The following HDAC9 variants were observed in gnomAD, a reference collection of about 807,000 sequenced individuals.
The protein encoded by HDAC9 is histone deacetylase 9, also known as MEF-2 interacting transcription repressor (MITR) protein.
A neutral mutation model predicts 139.4 loss-of-function variants in HDAC9; 41 were observed. The ratio of observed to expected loss-of-function variants is 0.29; its 90% CI spans 0.23 to 0.38. HDAC9 has a LOEUF of 0.38. HDAC9 is among the 10% of genes least tolerant of loss of function. The probability of loss-of-function intolerance (pLI) is 1.00; values close to 1 mark genes in which losing one functional copy is unlikely to be tolerated. For synonymous variants in HDAC9, 517 were observed against 476.2 expected (o/e 1.09, Z -1.12); for missense variants, 1,147 against 1,297.0 (o/e 0.88, Z 1.78).
intron 1 of HDAC9, among the ~76,000 whole-genome samples, chr7:18,448,952 G>A (rs1275524634): frequency 1.3e-5 from 2 of 151,984 alleles, no homozygotes; most frequent in African/African-American, 4.8e-5. Flanking sequence ...CATGTCAGAG[G>A]AATAAGAAAA....
At chr7:18,142,246 A>G (rs1283026913) in intron 1 of HDAC9, among the ~76,000 whole-genome samples, 1 of 152,166 alleles carries the variant, frequency 6.6e-6, no homozygotes, top group Non-Finnish European at 1.5e-5. Context: ...ACATGTCTTA[A>G]TTTGGCCCAA....
chr7:18,738,545 C>G (rs542360248), intron 13 of HDAC9, among the ~76,000 whole-genome samples: 4 of 152,128 alleles, frequency 2.6e-5, no homozygotes, highest in Non-Finnish European at 4.4e-5. Flanking sequence ...ATATGAAATT[C>G]TGGGTTGAAA....
At chr7:18,406,906 A>C (rs577369197) in intron 1 of HDAC9, among the ~76,000 whole-genome samples, 1 of 152,064 alleles carries the variant, frequency 6.6e-6, no homozygotes, top group Non-Finnish European at 1.5e-5. Context: ...AAAATTACTT[A>C]TGTGAGATAG....
chr7:18,662,595 A>G (rs1461629810), intron 11 of HDAC9, among the ~76,000 whole-genome samples: 3 of 152,046 alleles, frequency 2.0e-5, no homozygotes, highest in African/African-American at 7.2e-5. Context: ...CATTTCACTC[A>G]TTGCAACAGC....
At chr7:18,145,592 A>G (rs537267192) in intron 1 of HDAC9, among the ~76,000 whole-genome samples, 2 of 152,362 alleles carry the variant, frequency 1.3e-5, no homozygotes, top group Admixed American at 6.5e-5. Context: ...TTGAATGACT[A>G]TATATTAGTA....
chr7:18,370,789 T>G (rs1217888532), intron 1 of HDAC9, among the ~76,000 whole-genome samples: 1 of 152,188 alleles, frequency 6.6e-6, no homozygotes, highest in Non-Finnish European at 1.5e-5. Flanking sequence ...AGCCAGTTGC[T>G]TAAAACCTAT....
chr7:18,254,565 A>G (rs1030086622), intron 2 of HDAC9, among the ~76,000 whole-genome samples: 38 of 152,338 alleles, frequency 2.5e-4, no homozygotes, highest in African/African-American at 8.7e-4. Context: ...TAGCATAGAA[A>G]GGCTTTCAGA....
At chr7:18,162,614 T>A in intron 2 of HDAC9, 1 of 471,000 alleles carries the variant, frequency 2.1e-6, no homozygotes, top group East Asian at 4.0e-5. Flanking sequence ...ACATTCAGAT[T>A]GAACTTTATG....
At chr7:18,468,577 T>G (rs796915023) in intron 1 of HDAC9, among the ~76,000 whole-genome samples, 3 of 152,274 alleles carry the variant, frequency 2.0e-5, no homozygotes, top group Admixed American at 1.3e-4. Context: ...CCCTAGTGGC[T>G]AGACTACAGG....
chr7:18,669,260 A>C (rs1795517932), intron 12 of HDAC9, among the ~76,000 whole-genome samples: 1 of 151,854 alleles, frequency 6.6e-6, no homozygotes, highest in South Asian at 2.1e-4. Flanking sequence ...GCACTCAATA[A>C]ATATTAAAAT....
chr7:18,282,940 C>G (rs1238744528), intron 2 of HDAC9, among the ~76,000 whole-genome samples: 1 of 117,304 alleles, frequency 8.5e-6, no homozygotes, highest in African/African-American at 3.1e-5. Flanking sequence ...GTATGTGAAA[C>G]TCTTTGACCT....
At chr7:18,810,955 G>T (rs1208739151) in intron 17 of HDAC9, among the ~76,000 whole-genome samples, 1 of 151,758 alleles carries the variant, frequency 6.6e-6, no homozygotes, top group African/African-American at 2.4e-5. Flanking sequence ...TTCCAAATTT[G>T]TTTTTGGACA....
intron 2 of HDAC9, among the ~76,000 whole-genome samples, chr7:18,213,378 A>G (rs1792086339): frequency 6.6e-6 from 1 of 152,076 alleles, no homozygotes; most frequent in Admixed American, 6.6e-5. Flanking sequence ...GTGTAGAAAG[A>G]TGGTTTAGCT....
At chr7:18,386,314 T>A (rs1341575096) in intron 1 of HDAC9, among the ~76,000 whole-genome samples, 1 of 152,220 alleles carries the variant, frequency 6.6e-6, no homozygotes, top group Non-Finnish European at 1.5e-5. Flanking sequence ...TGGTTTTCAT[T>A]TCCTTGAGTA....
intron 1 of HDAC9, among the ~76,000 whole-genome samples, chr7:18,414,489 A>G (rs535136875): frequency 3.7e-4 from 56 of 151,892 alleles, no homozygotes; most frequent in African/African-American, 1.3e-3. Flanking sequence ...ACCTTTCACT[A>G]TGCATTTTAT....
intron 1 of HDAC9, among the ~76,000 whole-genome samples, chr7:18,138,105 A>G (rs1785576009): frequency 6.6e-6 from 1 of 152,320 alleles, no homozygotes; most frequent in South Asian, 2.1e-4. Flanking sequence ...AGGTGTTTGT[A>G]GTATTCTGTG....
At chr7:18,888,341 C>T (rs1285347382) in intron 22 of HDAC9, among the ~76,000 whole-genome samples, 2 of 152,148 alleles carry the variant, frequency 1.3e-5, no homozygotes, top group East Asian at 1.9e-4. Flanking sequence ...AGGAAAATGG[C>T]GTGAACCCGG....
At chr7:18,184,743 A>G (rs1789772039) in intron 2 of HDAC9, among the ~76,000 whole-genome samples, 1 of 152,186 alleles carries the variant, frequency 6.6e-6, no homozygotes, top group Non-Finnish European at 1.5e-5. Context: ...AGAATCCAGC[A>G]TATTCATTTG....
chr7:18,200,758 T>G (rs1391916090), intron 2 of HDAC9, among the ~76,000 whole-genome samples: 1 of 152,192 alleles, frequency 6.6e-6, no homozygotes, highest in African/African-American at 2.4e-5. Flanking sequence ...CTCAGAGGTC[T>G]CTTTCACAGA....
Sources: allele counts gnomAD v4.1 joint callset (sites outside exome capture counted in the v4.1 genomes callset), GRCh38; gene constraint gnomAD v4.1.1; transcripts MANE v1.5; gene names NCBI Gene and HGNC (gene_info 2026-07-23, HGNC 2026-07-21).